IGSF3: variants seen among roughly 807,000 people sequenced by gnomAD.
IGSF3 encodes the protein immunoglobulin superfamily member 3.
Under a neutral mutation model 114.4 loss-of-function variants are expected in IGSF3, and 23 were observed. The observed-to-expected ratio is 0.20, with a 90% CI of 0.14 to 0.28. The LOEUF (loss-of-function observed/expected upper bound fraction) is 0.28, where lower values mean the gene tolerates loss of function less well. IGSF3 is among the 10% of genes least tolerant of loss of function. IGSF3 has a pLI of 1.00. For missense variants in IGSF3, 1,172 were observed against 1,591.5 expected, an observed-to-expected ratio of 0.74 and a Z score of 4.48; for synonymous variants, 571 against 645.2, an observed-to-expected ratio of 0.88 and a Z score of 1.74.
rs1051761124 is a variant in IGSF3, at chr1:116,642,423, G to A, written c.43+23861C>T. On this transcript the variant is annotated intron_variant, in intron 2 of 10. Coordinates refer to ENST00000369486, the MANE Select transcript of IGSF3 (RefSeq NM_001007237.3). The surrounding 1 kb of genome is among the most constrained non-coding windows in gnomAD (Gnocchi z 5.4). The stretch of plus-strand genomic sequence containing the variant: ...AGCTGGAACAGGGCAGACCTGAGGC[G>A]GGAGTCCCCACGCTTAGGGGAAGGG... Among the ~76,000 whole-genome samples the A allele has an allele frequency of 3.9e-5, 6 of 152,120 alleles. No individual in the cohort carries two copies. The highest frequency in any genetic ancestry group is 4.8e-5 in the African/African-American group (2 of 41,418).
In IGSF3 at chr1:116,655,735, G is replaced by C. The variant is rs958410356; in HGVS notation, c.43+10549C>G. Among the ~76,000 whole-genome samples, 1 of 152,146 alleles carries C rather than the reference G, an allele frequency of 6.6e-6. No individual in the cohort carries two copies. Among genetic ancestry groups the C allele is most frequent in the South Asian group, 2.1e-4 (1 of 4,820 alleles). ...TTAACTGAATTAGACACAAAACTAAGTATTTATGGTTGTCATCTTAACAGG... is the reference window on the plus strand; with the variant it reads ...TTAACTGAATTAGACACAAAACTAACTATTTATGGTTGTCATCTTAACAGG... On this transcript the variant is annotated intron_variant, in intron 2 of 10. Transcript: ENST00000369486. The surrounding 1 kb of genome is among the most constrained non-coding windows in gnomAD (Gnocchi z 4.3).
rs1229731780 is a variant in IGSF3, at chr1:116,608,194, G to A, written c.970C>T (p.Leu324Phe). 6.2e-7 allele frequency: 1 copy of A among 1,611,792 alleles called. No individual in the cohort carries two copies. The highest frequency in any genetic ancestry group is 8.5e-7 in the Non-Finnish European group (1 of 1,178,128). Residue 324 changes from leucine to phenylalanine, a missense_variant, in exon 5 of 11, where the codon CTC becomes TTC. By Grantham distance (22) the Leu-to-Phe change is conservative (BLOSUM62 0). Transcript: ENST00000369486. Reference protein sequence around the residue: ...FAVSWAFNSSLIATMGPNAVP... With the variant: ...FAVSWAFNSSFIATMGPNAVP... ...GCGTTAGGACCCATGGTGGCGATGA[G>A]CGAGCTGTTGAAGGCCCAGGAGACA...
At position 116,579,445 on chromosome 1, in the gene IGSF3, T is replaced by C; in HGVS notation, c.3281A>G (p.Tyr1094Cys). The change falls in exon 10 of 11, where the codon TAC becomes TGC. Residue 1094 changes from tyrosine (Y) to cysteine (C), a missense_variant. Tyr to Cys is a radical substitution (Grantham distance 194). Around this residue, in one of 3 missense-constraint regions of IGSF3, gnomAD observed 423 missense variants for 509.8 expected, o/e 0.83. Transcript: ENST00000369486. This position sits in a 1 kb window ranked among gnomAD's most constrained non-coding sequence, Gnocchi z 6.4. ...EWLPSPQKEW[Y>C]RLTEEESAPI... ...GGCTGACTCCTCCTCCGTCAGCCGG[T>C]ACCATTCCTTCTGAGGGCTGGGCAG... 6.2e-7 allele frequency: 1 copy of C among 1,611,476 alleles called. No homozygotes were observed. The highest frequency in any genetic ancestry group is 8.5e-7 in the Non-Finnish European group (1 of 1,178,578).
Position 116,628,668 on chromosome 1 carries a change from C to T in IGSF3, c.44-12211G>A, listed in dbSNP as rs1318812098. On this transcript the variant is annotated intron_variant, in intron 2 of 10. Transcript: ENST00000369486. The surrounding 1 kb of genome is among the most constrained non-coding windows in gnomAD (Gnocchi z 4.2). Reference sequence around the variant, plus strand: ...TAACTAAAAATAAATACTGAGAGCACTGACACTGCTTCTGGGGGTTTTCCC... The same window carrying T: ...TAACTAAAAATAAATACTGAGAGCATTGACACTGCTTCTGGGGGTTTTCCC... Among the ~76,000 whole-genome samples the T allele has an allele frequency of 6.6e-6, 1 of 152,158 alleles. No homozygotes were observed. Among genetic ancestry groups the T allele is most frequent in the Non-Finnish European group, 1.5e-5 (1 of 68,038 alleles).
At chr1:116,597,489 G>A (rs146712935) in intron 7 of IGSF3, among the ~76,000 whole-genome samples, 5,421 of 152,218 alleles carry the variant, frequency 0.036, 195 homozygotes, top group African/African-American at 0.093. Context: ...AGTCCTGCAC[G>A]GCCTCAAGCA....
At position 116,583,613 on chromosome 1, in the gene IGSF3, GT is replaced by G. The variant is rs1036501440; in HGVS notation, c.2848+1031del. ...TCCAGTAGTGCCCAAGGCCACAAATGTGAATGTCAGGATGCTCAGAAAACAA... is the reference window on the plus strand; with the variant it reads ...TCCAGTAGTGCCCAAGGCCACAAATGGAATGTCAGGATGCTCAGAAAACAA... On this transcript the variant is annotated intron_variant, in intron 9 of 10. Transcript: ENST00000369486. This position sits in a 1 kb window ranked among gnomAD's most constrained non-coding sequence, Gnocchi z 4.5. Among the ~76,000 whole-genome samples the G allele has an allele frequency of 3.9e-5, 6 of 152,184 alleles. No homozygotes were observed. The highest frequency in any genetic ancestry group is 3.9e-4 in the Admixed American group (6 of 15,282).
chr1:116,656,607 T>G (rs1175254072), intron 2 of IGSF3, among the ~76,000 whole-genome samples: 4 of 152,022 alleles, frequency 2.6e-5, no homozygotes, highest in African/African-American at 4.8e-5. Flanking sequence ...TTATAGTCAC[T>G]GTTACCTCCA....
At position 116,642,776 on chromosome 1, in the gene IGSF3, G is replaced by A. The variant is rs1648168937; in HGVS notation, c.43+23508C>T. ...TGTAGTATCATCAATCACCGCTGCT[G>A]CTCGCTGGGACTTGGAAGCACACAG... On this transcript the variant is annotated intron_variant, in intron 2 of 10. Transcript: ENST00000369486. This position sits in a 1 kb window ranked among gnomAD's most constrained non-coding sequence, Gnocchi z 5.4. Among the ~76,000 whole-genome samples the A allele has an allele frequency of 6.6e-6, 1 of 152,220 alleles. No homozygotes were observed.
At position 116,593,082 on chromosome 1, in the gene IGSF3, G is replaced by C. The variant is rs1660189219; in HGVS notation, c.2030-3978C>G. ...GATGAGGTTAGAAAGGTAAGCTTCGGCCACACTGCAAGGGGCCTGCAGCTT... is the reference window on the plus strand; with the variant it reads ...GATGAGGTTAGAAAGGTAAGCTTCGCCCACACTGCAAGGGGCCTGCAGCTT... On this transcript the variant is annotated intron_variant, in intron 7 of 10. Coordinates refer to ENST00000369486, the MANE Select transcript of IGSF3 (RefSeq NM_001007237.3). This position sits in a 1 kb window ranked among gnomAD's most constrained non-coding sequence, Gnocchi z 4.5. Among the ~76,000 whole-genome samples the C allele has an allele frequency of 6.6e-6, 1 of 152,128 alleles. No homozygotes were observed. The highest frequency in any genetic ancestry group is 1.5e-5 in the Non-Finnish European group (1 of 68,020).
In IGSF3 at chr1:116,575,232, C is replaced by A. The variant is rs1027414946; in HGVS notation, c.*2080G>T. 2.0e-5 allele frequency: 3 copies of A among 152,608 alleles called. No homozygotes were observed. The highest frequency in any genetic ancestry group is 4.4e-5 in the Non-Finnish European group (3 of 68,016). 9.5% of individuals were successfully genotyped at this position (152,608 alleles called of 1,614,324 possible). On this transcript the variant is annotated 3_prime_UTR_variant, in exon 11 of 11. Transcript: ENST00000369486. The surrounding 1 kb of genome is among the most constrained non-coding windows in gnomAD (Gnocchi z 5.6). ...ATAAAGAAATGGGGCAAAAGACCTT[C>A]TTTTTTCATGACTGAGCCGCTCCTG... is the stretch of plus-strand genomic sequence containing the variant.
chr1:116,635,153 G>T (rs1194151015), intron 2 of IGSF3, among the ~76,000 whole-genome samples: 1 of 152,212 alleles, frequency 6.6e-6, no homozygotes, highest in Non-Finnish European at 1.5e-5. Context: ...TGCAACACCT[G>T]CTTCTAAACA....
intron 8 of IGSF3, among the ~76,000 whole-genome samples, chr1:116,587,895 G>A (rs1241312457): frequency 2.0e-5 from 3 of 152,238 alleles, no homozygotes; most frequent in Admixed American, 1.3e-4. Flanking sequence ...ATGTGAGAAT[G>A]AGGGGTGGAG....
chr1:116,606,677 C>T lies in IGSF3; in HGVS notation c.1222+1265G>A, dbSNP rs1179493330. The T allele has an allele frequency of 4.9e-6, 3 of 618,476 alleles. No homozygotes were observed. The Admixed American group carries it at 9.5e-5, about 20-fold the overall frequency. 38.3% of individuals were successfully genotyped at this position (618,476 alleles called of 1,614,324 possible). A position where few individuals can be genotyped will look rare whatever the true frequency, so the allele number is the denominator to read the frequency against. Reference sequence around the variant, plus strand: ...TGCCCTTCACTTGATCCTTAGAAAACAATGAGGAATTAGTTGCAGATTTAA... The same window carrying T: ...TGCCCTTCACTTGATCCTTAGAAAATAATGAGGAATTAGTTGCAGATTTAA... On this transcript the variant is annotated intron_variant, in intron 5 of 10. Coordinates refer to ENST00000369486, the MANE Select transcript of IGSF3 (RefSeq NM_001007237.3).
chr1:116,608,734 A>T (rs943941209), intron 4 of IGSF3, among the ~76,000 whole-genome samples: 2 of 152,162 alleles, frequency 1.3e-5, no homozygotes, highest in African/African-American at 4.8e-5. Context: ...ACAGCATTAT[A>T]AACATTTTCA....
chr1:116,584,537 T>A lies in IGSF3; in HGVS notation c.2848+108A>T. 1 of 1,141,228 alleles carries A rather than the reference T, an allele frequency of 8.8e-7. No homozygotes were observed. The highest frequency in any genetic ancestry group is 1.3e-6 in the Non-Finnish European group (1 of 788,038). 70.7% of individuals were successfully genotyped at this position (1,141,228 alleles called of 1,614,324 possible). A position where few individuals can be genotyped will look rare whatever the true frequency, so the allele number is the denominator to read the frequency against. On this transcript the variant is annotated intron_variant, in intron 9 of 10. Transcript: ENST00000369486. This position sits in a 1 kb window ranked among gnomAD's most constrained non-coding sequence, Gnocchi z 5.8. ...CATATACATGTAGACACTCATATAT[T>A]TAACTGCAAATAATTTATTAATAAA...
chr1:116,581,604 T>C (rs1397848282), intron 9 of IGSF3, among the ~76,000 whole-genome samples: 4 of 152,130 alleles, frequency 2.6e-5, no homozygotes, highest in African/African-American at 7.2e-5. Context: ...GGGCTTCCCA[T>C]TGCTCTTGTG....
At chr1:116,645,006 C>T (rs919702773) in intron 2 of IGSF3, among the ~76,000 whole-genome samples, 2 of 152,150 alleles carry the variant, frequency 1.3e-5, no homozygotes, top group African/African-American at 4.8e-5. Flanking sequence ...AATCCCACTC[C>T]TAAGTATTTA....
At position 116,612,133 on chromosome 1, in the gene IGSF3, C is replaced by G. The variant is rs1307257972; in HGVS notation, c.832+1632G>C. 6.6e-6 allele frequency among the ~76,000 whole-genome samples: 1 copy of G among 151,670 alleles called. No homozygotes were observed. Among genetic ancestry groups the G allele is most frequent in the African/African-American group, 2.4e-5 (1 of 40,992 alleles). On this transcript the variant is annotated intron_variant, in intron 4 of 10. Coordinates refer to ENST00000369486, the MANE Select transcript of IGSF3 (RefSeq NM_001007237.3). This position sits in a 1 kb window ranked among gnomAD's most constrained non-coding sequence, Gnocchi z 4.1. ...GTAAGATTAAAATAAAGAAGATTAA[C>G]TGATGCAACCTAATTTAAAAGCATT...
At position 116,600,256 on chromosome 1, in the gene IGSF3, A is replaced by G. The variant is rs1282654345; in HGVS notation, c.1714T>C (p.Tyr572His). The G allele has an allele frequency of 1.2e-6, 2 of 1,614,110 alleles. No homozygotes were observed. Among genetic ancestry groups the G allele is most frequent in the Non-Finnish European group, 1.7e-6 (2 of 1,180,006 alleles). ...FDLQCIIKPH[Y>H]PAWVPVSVTW... ...ACCGACACGGGGACCCAGGCAGGGT[A>G]GTGGGGTTTGATGATACACTGCAAG... Residue 572 changes from tyrosine (Y) to histidine (H), a missense_variant, in exon 7 of 11, where the codon TAC becomes CAC. Physicochemically the swap from Tyr to His is moderately conservative, Grantham distance 83 (BLOSUM62 2). Transcript: ENST00000369486. This position sits in a 1 kb window ranked among gnomAD's most constrained non-coding sequence, Gnocchi z 5.5.
Sources: allele counts gnomAD v4.1 joint callset (sites outside exome capture counted in the v4.1 genomes callset), GRCh38; gene constraint gnomAD v4.1.1; regional missense constraint gnomAD v4.1.1; non-coding constraint Gnocchi (gnomAD v3.1); transcripts MANE v1.5; gene names NCBI Gene and HGNC (gene_info 2026-07-23, HGNC 2026-07-21).